Variants in CSNK1D observed in about 807,000 individuals in gnomAD.
The protein encoded by CSNK1D is casein kinase 1 delta.
CSNK1D carries 16 observed loss-of-function variants against 46.6 expected under a neutral mutation model. The observed-to-expected ratio is 0.34, with a 90% CI of 0.23 to 0.52. The LOEUF (loss-of-function observed/expected upper bound fraction) is 0.52. Among genes scored for constraint, CSNK1D ranks in the 20% least tolerant of loss-of-function variants. CSNK1D has a pLI of 0.95. For missense variants in CSNK1D, 398 were observed against 578.4 expected, an observed-to-expected ratio of 0.69 and a Z score of 3.20; for synonymous variants, 276 against 228.2, an observed-to-expected ratio of 1.21 and a Z score of -1.89.
chr17:82,252,360 G>A lies in CSNK1D; in HGVS notation c.736+74C>T. ...ACTCTTCTGACAAAACCCAGACTGA[G>A]CCGTCTCGGCACACCCGACACATAT... On this transcript the variant is annotated intron_variant, in intron 5 of 8. Transcript: ENST00000314028. The surrounding 1 kb of genome is among the most constrained non-coding windows in gnomAD (Gnocchi z 4.6). The A allele has an allele frequency of 1.9e-6, 3 of 1,550,254 alleles. No individual in the cohort carries two copies. In the Admixed American group the frequency reaches 5.0e-5, roughly 26 times the overall value.
At chr17:82,258,979 C>T (rs908685922) in intron 2 of CSNK1D, among the ~76,000 whole-genome samples, 1 of 152,204 alleles carries the variant, frequency 6.6e-6, no homozygotes, top group Non-Finnish European at 1.5e-5. Flanking sequence ...TGGACTTGCA[C>T]TCTTCTCAGT....
chr17:82,272,402 T>C (rs1389199784), intron 1 of CSNK1D: 1 of 152,324 alleles, frequency 6.6e-6, no homozygotes, highest in Admixed American at 6.5e-5. Flanking sequence ...ATCACACTTG[T>C]GTTCACGTGC....
chr17:82,246,814 C>T (rs902450071), intron 8 of CSNK1D: 32 of 986,574 alleles, frequency 3.2e-5, no homozygotes, highest in Middle Eastern at 1.0e-3. Context: ...GGAAGAGCGA[C>T]GGCCCGAGGA....
intron 2 of CSNK1D, among the ~76,000 whole-genome samples, chr17:82,264,851 G>A (rs1027365483): frequency 2.8e-5 from 4 of 144,430 alleles, no homozygotes; most frequent in Non-Finnish European, 6.0e-5. Context: ...AGGCTGGACT[G>A]CAGTGGCGCT....
rs111560395 is a variant in CSNK1D, at chr17:82,253,263, C to T, written c.337-19G>A. 0.015 allele frequency: 24,162 copies of T among 1,599,676 alleles called. 221 individuals carry two copies. Among genetic ancestry groups the T allele is most frequent in the Non-Finnish European group, 0.018 (20,653 of 1,166,934 alleles). ...GACTGATCTGTGAGCAGAGCAAGGG[C>T]GCGAGATGGCACCCCAGGGCAGTCT... On this transcript the variant is annotated intron_variant, in intron 3 of 8. Coordinates refer to ENST00000314028, the MANE Select transcript of CSNK1D (RefSeq NM_001893.6).
Position 82,243,550 on chromosome 17 carries a change from C to CA in CSNK1D, c.*1230dup, listed in dbSNP as rs886226462. ...CGCTGCTTCACTTCTGACCAACAGA[C>CA]ACGCGCCCAACAGAAGGTCACAGCG... is the stretch of plus-strand genomic sequence containing the variant. On this transcript the variant is annotated 3_prime_UTR_variant, in exon 9 of 9. Coordinates refer to ENST00000314028, the MANE Select transcript of CSNK1D (RefSeq NM_001893.6). 5.4e-5 allele frequency: 53 copies of CA among 985,496 alleles called. No homozygotes were observed. In the African/African-American group the frequency reaches 7.3e-4, roughly 14 times the overall value. 61.0% of individuals were successfully genotyped at this position (985,496 alleles called of 1,614,324 possible). A position where few individuals can be genotyped will look rare whatever the true frequency, so the allele number is the denominator to read the frequency against.
Position 82,252,573 on chromosome 17 carries a change from C to T in CSNK1D, c.597G>A (p.Leu199=). The change falls in exon 5 of 9, where the codon CTG becomes CTA. Residue 199 remains leucine, a synonymous_variant. Coordinates refer to ENST00000314028, the MANE Select transcript of CSNK1D (RefSeq NM_001893.6). This position sits in a 1 kb window ranked among gnomAD's most constrained non-coding sequence, Gnocchi z 4.6. The stretch of plus-strand genomic sequence containing the variant: ...GGTTGAAGTACATTAGCACGTAGCC[C>T]AGAGACTCCAAGTCATCTCTTCGGG... ...EQSRRDDLES[L]GYVLMYFNLG... 1.2e-6 allele frequency: 2 copies of T among 1,613,988 alleles called. No homozygotes were observed. The highest frequency in any genetic ancestry group is 8.5e-7 in the Non-Finnish European group (1 of 1,180,024).
chr17:82,255,680 CG>C lies in CSNK1D; in HGVS notation c.188-104del. On this transcript the variant is annotated intron_variant, in intron 2 of 8. Transcript: ENST00000314028. This position sits in a 1 kb window ranked among gnomAD's most constrained non-coding sequence, Gnocchi z 5.9. ...AAGGGGTCATGGTGACAATCCTGAACGGGGGAGGGGTGGTGGAGGTAGAAGA... is the reference window on the plus strand; with the variant it reads ...AAGGGGTCATGGTGACAATCCTGAACGGGGAGGGGTGGTGGAGGTAGAAGA... The C allele has an allele frequency of 6.9e-7, 1 of 1,443,226 alleles. No homozygotes were observed. 89.4% of individuals were successfully genotyped at this position (1,443,226 alleles called of 1,614,324 possible).
At chr17:82,259,897 G>A (rs1259113620) in intron 2 of CSNK1D, among the ~76,000 whole-genome samples, 1 of 152,230 alleles carries the variant, frequency 6.6e-6, no homozygotes. Flanking sequence ...CATCTGAACT[G>A]ATGGTGTACT....
intron 2 of CSNK1D, among the ~76,000 whole-genome samples, chr17:82,262,022 G>C (rs1356784342): frequency 1.3e-5 from 2 of 152,348 alleles, no homozygotes; most frequent in East Asian, 3.9e-4. Context: ...GGGATGTTAG[G>C]ATTGGAAAGA....
Position 82,244,072 on chromosome 17 carries a change from T to C in CSNK1D, c.*709A>G, listed in dbSNP as rs760377850. On this transcript the variant is annotated 3_prime_UTR_variant, in exon 9 of 9. Transcript: ENST00000314028. ...CCTCAAGAGTTCCTGACAGCAGGCA[T>C]GTCAATTACGGGAGGAGGGAGGGTG... The C allele has an allele frequency of 4.3e-5, 43 of 990,006 alleles. No homozygotes were observed. The highest frequency in any genetic ancestry group is 5.8e-5 in the Admixed American group (1 of 17,164). 61.3% of individuals were successfully genotyped at this position (990,006 alleles called of 1,614,324 possible). A position where few individuals can be genotyped will look rare whatever the true frequency, so the allele number is the denominator to read the frequency against.
chr17:82,258,079 T>C (rs1235458675), intron 2 of CSNK1D, among the ~76,000 whole-genome samples: 2 of 151,662 alleles, frequency 1.3e-5, no homozygotes, highest in Non-Finnish European at 2.9e-5. Context: ...TGGTGCTGTG[T>C]GTCTACAGTC....
At position 82,265,720 on chromosome 17, in the gene CSNK1D, A is replaced by G; in HGVS notation, c.153T>C (p.Ile51=). Residue 51 remains isoleucine (I), a synonymous_variant, in exon 2 of 9, where the codon ATT becomes ATC. Coordinates refer to ENST00000314028, the MANE Select transcript of CSNK1D (RefSeq NM_001893.6). ...GCATCATCTTGTAGATTTTGCTCTC[A>G]ATGTGGAGCTGAGGGTGTTTGGTTT... ...CVKTKHPQLH[I]ESKIYKMMQG... 6.2e-7 allele frequency: 1 copy of G among 1,614,078 alleles called. No homozygotes were observed.
At chr17:82,263,982 C>A (rs901370040) in intron 2 of CSNK1D, among the ~76,000 whole-genome samples, 3 of 152,232 alleles carry the variant, frequency 2.0e-5, no homozygotes, top group African/African-American at 7.2e-5. Context: ...CGTGATGGGA[C>A]ACACTGGGTG....
intron 3 of CSNK1D, chr17:82,254,075 A>G (rs1199099492): frequency 5.6e-6 from 1 of 177,846 alleles, no homozygotes; most frequent in Non-Finnish European, 1.0e-5. Context: ...AGCCTCGTGA[A>G]GCCAGTGAGC....
At chr17:82,246,614 G>A (rs2050856724) in intron 8 of CSNK1D, 2 of 1,011,490 alleles carry the variant, frequency 2.0e-6, no homozygotes, top group African/African-American at 3.5e-5. Context: ...AGAGGGAACA[G>A]ACCCAGGCGG....
intron 8 of CSNK1D, chr17:82,246,223 A>G: frequency 6.7e-7 from 1 of 1,503,758 alleles, no homozygotes; most frequent in African/African-American, 1.4e-5. Flanking sequence ...TCTGGATGAG[A>G]GTGGTGCCCA....
intron 8 of CSNK1D, chr17:82,246,237 C>G (rs2050847297): frequency 1.3e-6 from 2 of 1,486,028 alleles, no homozygotes; most frequent in Non-Finnish European, 1.8e-6. Flanking sequence ...GTGCCCACTC[C>G]TCTTCTGGAA....
chr17:82,246,142 A>G, intron 8 of CSNK1D: 1 of 1,546,916 alleles, frequency 6.5e-7, no homozygotes, highest in South Asian at 1.2e-5. Context: ...AACCAGGTCC[A>G]CAGACCGACA....
Sources: allele counts gnomAD v4.1 joint callset (sites outside exome capture counted in the v4.1 genomes callset), GRCh38; gene constraint gnomAD v4.1.1; non-coding constraint Gnocchi (gnomAD v3.1); transcripts MANE v1.5; gene names NCBI Gene and HGNC (gene_info 2026-07-23, HGNC 2026-07-21).